LPP: variants seen among roughly 807,000 people sequenced by gnomAD.
The protein encoded by LPP is LIM domain containing preferred translocation partner in lipoma, also known as lipoma-preferred partner.
A neutral mutation model predicts 60.4 loss-of-function variants in LPP; 38 were observed. That is an observed-to-expected ratio of 0.63 (90% CI 0.49 to 0.83). The LOEUF is 0.83. Ranked by LOEUF, LPP falls within the 40% of genes least tolerant of loss-of-function variation. The probability of loss-of-function intolerance (pLI) is 0.00; values close to 1 mark genes in which losing one functional copy is unlikely to be tolerated. For synonymous variants in LPP, 328 were observed against 290.8 expected (o/e 1.13, Z -1.30); for missense variants, 902 against 783.6 (o/e 1.15, Z -1.80).
At chr3:188,614,621 G>A (rs1383510166) in intron 7 of LPP, among the ~76,000 whole-genome samples, 1 of 152,176 alleles carries the variant, frequency 6.6e-6, no homozygotes, top group African/African-American at 2.4e-5. Flanking sequence ...CCAGTGATGA[G>A]AGCCACTCAC....
chr3:188,464,295 G>A (rs1012065268), intron 4 of LPP, among the ~76,000 whole-genome samples: 2 of 152,180 alleles, frequency 1.3e-5, no homozygotes, highest in African/African-American at 4.8e-5. Flanking sequence ...TGATATGGTA[G>A]CTGCTAGCCC....
In LPP at chr3:188,886,497, T is replaced by C. The variant is rs1438074635; in HGVS notation, c.*12018T>C. On this transcript the variant is annotated 3_prime_UTR_variant, in exon 12 of 12. Coordinates refer to ENST00000617246, the MANE Select transcript of LPP (RefSeq NM_001375462.1). ...TAGTATGCCTGAGTAGAGACTCACATGGGTGGAATCTGTGTTGTCTCATCA... is the reference window on the plus strand; with the variant it reads ...TAGTATGCCTGAGTAGAGACTCACACGGGTGGAATCTGTGTTGTCTCATCA... The C allele has an allele frequency of 5.4e-6, 1 of 184,034 alleles. No homozygotes were observed. The highest frequency in any genetic ancestry group is 1.1e-5 in the Non-Finnish European group (1 of 91,394). The allele number at this position is 184,034 out of a possible 1,614,324, so 11.4% of individuals were successfully genotyped here. A position where few individuals can be genotyped will look rare whatever the true frequency, so the allele number is the denominator to read the frequency against.
intron 2 of LPP, among the ~76,000 whole-genome samples, chr3:188,264,428 C>G (rs1352123404): frequency 1.3e-5 from 2 of 151,820 alleles, no homozygotes; most frequent in African/African-American, 4.8e-5. Context: ...TCAAAGGAAA[C>G]GGGATGAGAA....
At chr3:188,204,401 G>C (rs571709703) in intron 1 of LPP, among the ~76,000 whole-genome samples, 13 of 152,242 alleles carry the variant, frequency 8.5e-5, no homozygotes, top group Admixed American at 1.3e-4. Context: ...GATGTGCCGG[G>C]AATCTTGGCA....
intron 3 of LPP, among the ~76,000 whole-genome samples, chr3:188,364,363 A>G (rs577332686): frequency 3.9e-5 from 6 of 152,254 alleles, no homozygotes; most frequent in East Asian, 1.9e-4. Flanking sequence ...ATACTTATTT[A>G]TATACTTGCC....
chr3:188,327,437 A>G (rs1758751145), intron 2 of LPP, among the ~76,000 whole-genome samples: 1 of 152,208 alleles, frequency 6.6e-6, no homozygotes, highest in Non-Finnish European at 1.5e-5. Flanking sequence ...TATTGGATCT[A>G]CACAGAAATC....
At chr3:188,720,841 CA>C (rs1716079449) in intron 8 of LPP, among the ~76,000 whole-genome samples, 1 of 152,154 alleles carries the variant, frequency 6.6e-6, no homozygotes, top group Non-Finnish European at 1.5e-5. Flanking sequence ...CAGTGAGCAT[CA>C]TTTGTTAAAA....
At chr3:188,204,923 G>A (rs546951052) in intron 1 of LPP, among the ~76,000 whole-genome samples, 1 of 152,194 alleles carries the variant, frequency 6.6e-6, no homozygotes, top group Non-Finnish European at 1.5e-5. Context: ...GACATAAAAT[G>A]TGTTTCTTCC....
At chr3:188,306,156 C>T (rs1751457471) in intron 2 of LPP, among the ~76,000 whole-genome samples, 1 of 152,180 alleles carries the variant, frequency 6.6e-6, no homozygotes, top group Non-Finnish European at 1.5e-5. Flanking sequence ...TCTCGGTTTA[C>T]TGCAACCTGT....
chr3:188,268,019 T>C (rs1348729427), intron 2 of LPP, among the ~76,000 whole-genome samples: 218 of 5,668 alleles, frequency 0.038, 2 homozygotes, highest in Admixed American at 0.077. Flanking sequence ...TTTTAAGGAT[T>C]TTTTTTTTTT....
intron 5 of LPP, among the ~76,000 whole-genome samples, chr3:188,518,102 C>G (rs1172739716): frequency 6.6e-6 from 1 of 152,132 alleles, no homozygotes; most frequent in Non-Finnish European, 1.5e-5. Flanking sequence ...CCTGCGGAAC[C>G]ATGAGCCAAA....
In LPP at chr3:188,230,193, C is replaced by A. The variant is rs138817317; in HGVS notation, c.-67+4666C>A. On this transcript the variant is annotated intron_variant, in intron 2 of 11. Coordinates refer to ENST00000617246, the MANE Select transcript of LPP (RefSeq NM_001375462.1). ...CTCCGCCTCCAGGATTCAAGAGATT[C>A]TCTTGCCTCAGCTGCCCGAGTAGCT... Among the ~76,000 whole-genome samples the A allele has an allele frequency of 5.0e-3, 765 of 151,918 alleles. 2 individuals carry two copies. The highest frequency in any genetic ancestry group is 8.6e-3 in the Non-Finnish European group (584 of 68,000).
chr3:188,160,932 C>CA (rs920365192), intron 1 of LPP, among the ~76,000 whole-genome samples: 1 of 152,186 alleles, frequency 6.6e-6, no homozygotes, highest in African/African-American at 2.4e-5. Context: ...GAAAAGAAGA[C>CA]ATTTGGTTGG....
chr3:188,479,180 A>G (rs1320594605), intron 4 of LPP, among the ~76,000 whole-genome samples: 1 of 152,014 alleles, frequency 6.6e-6, no homozygotes, highest in Non-Finnish European at 1.5e-5. Context: ...GTCTCTTTTG[A>G]CTTCATAATT....
At chr3:188,245,137 G>A (rs1458149568) in intron 2 of LPP, among the ~76,000 whole-genome samples, 1 of 151,874 alleles carries the variant, frequency 6.6e-6, no homozygotes, top group Non-Finnish European at 1.5e-5. Flanking sequence ...TTTTGAAACA[G>A]AGTCTTGCTC....
At chr3:188,764,989 C>G (rs1577408985) in intron 9 of LPP, among the ~76,000 whole-genome samples, 2 of 152,112 alleles carry the variant, frequency 1.3e-5, no homozygotes. Flanking sequence ...ACACTAGCAG[C>G]CTTTTGCTCC....
At chr3:188,308,488 C>A (rs1162443362) in intron 2 of LPP, among the ~76,000 whole-genome samples, 1 of 152,166 alleles carries the variant, frequency 6.6e-6, no homozygotes, top group African/African-American at 2.4e-5. Context: ...TTGCTTGTGA[C>A]CCATCTGAAA....
intron 3 of LPP, among the ~76,000 whole-genome samples, chr3:188,377,285 A>G (rs1007449314): frequency 8.5e-5 from 13 of 152,300 alleles, no homozygotes; most frequent in Middle Eastern, 3.4e-3. Flanking sequence ...CTTCTGGATA[A>G]TATCCTGCCG....
chr3:188,401,514 C>T (rs184534103), intron 3 of LPP, among the ~76,000 whole-genome samples: 60 of 152,306 alleles, frequency 3.9e-4, no homozygotes, highest in African/African-American at 1.2e-3. Flanking sequence ...CAAGATTTTT[C>T]ATGTGCTTTC....
Sources: gnomAD v4.1 joint callset for allele counts (sites outside exome capture counted in the v4.1 genomes callset) on GRCh38, gnomAD v4.1.1 for gene constraint, MANE v1.5 for transcripts, NCBI Gene and HGNC (gene_info 2026-07-23, HGNC 2026-07-21) for gene names.